Variants in PDE8B observed in about 807,000 individuals in gnomAD.
PDE8B encodes the protein phosphodiesterase 8B.
Under a neutral mutation model 101.3 loss-of-function variants are expected in PDE8B, and 26 were observed. That is an observed-to-expected ratio of 0.26 (90% CI 0.19 to 0.36). PDE8B has a LOEUF of 0.36. PDE8B is among the 10% of genes least tolerant of loss of function. The pLI, the probability that PDE8B is intolerant of heterozygous loss-of-function variation, is 1.00. For missense variants in PDE8B, 810 were observed against 1,163.1 expected (o/e 0.70, Z 4.42); for synonymous variants, 424 against 429.3 (o/e 0.99, Z 0.15).
chr5:77,159,762 T>C, the PDE8B span, among the ~76,000 whole-genome samples: 2 of 152,172 alleles, frequency 1.3e-5, no homozygotes, highest in African/African-American at 4.8e-5. Flanking sequence ...CTGGCTAATG[T>C]GCTGCAGTTG....
chr5:77,184,147 G>T, the PDE8B span, among the ~76,000 whole-genome samples: 1 of 152,042 alleles, frequency 6.6e-6, no homozygotes. Flanking sequence ...TTTAATTATT[G>T]TAGAGACAGA....
intron 20 of PDE8B, among the ~76,000 whole-genome samples, chr5:77,424,899 A>G (rs1036836881): frequency 2.6e-5 from 4 of 151,730 alleles, no homozygotes; most frequent in Non-Finnish European, 4.4e-5. Context: ...TCCTGGCTCA[A>G]TGCAGACTCA....
At chr5:77,292,785 A>G (rs1408618037) in intron 1 of PDE8B, among the ~76,000 whole-genome samples, 1 of 152,092 alleles carries the variant, frequency 6.6e-6, no homozygotes, top group Non-Finnish European at 1.5e-5. Context: ...CTTTACTATC[A>G]TATATTACTA....
intron 1 of PDE8B, among the ~76,000 whole-genome samples, chr5:77,276,642 T>C (rs937904479): frequency 1.3e-5 from 2 of 152,232 alleles, no homozygotes; most frequent in African/African-American, 4.8e-5. Flanking sequence ...TAACTCACAG[T>C]GCTGGACTCA....
At chr5:77,332,146 G>T (rs541798428) in intron 5 of PDE8B, among the ~76,000 whole-genome samples, 1 of 151,978 alleles carries the variant, frequency 6.6e-6, no homozygotes, top group Non-Finnish European at 1.5e-5. Flanking sequence ...GAGAAGAAAG[G>T]GAGGAGGAAA....
chr5:77,309,686 C>A (rs1198041586), intron 1 of PDE8B, among the ~76,000 whole-genome samples: 2 of 151,678 alleles, frequency 1.3e-5, no homozygotes, highest in African/African-American at 4.9e-5. Context: ...GTGGTGTGAT[C>A]TTGGCTCACT....
At chr5:77,321,458 C>T (rs1395535616) in intron 2 of PDE8B, among the ~76,000 whole-genome samples, 1 of 152,090 alleles carries the variant, frequency 6.6e-6, no homozygotes, top group African/African-American at 2.4e-5. Context: ...GCCAATATCT[C>T]TATTCTTAAT....
chr5:77,259,743 GGTGGGGGTATGTTTCCCAC>G (rs1209331245), intron 1 of PDE8B, among the ~76,000 whole-genome samples: 2 of 152,212 alleles, frequency 1.3e-5, no homozygotes, highest in Admixed American at 1.3e-4. Flanking sequence ...AGCTCAGGGT[GGTGGGGGTATGTTTCCCAC>G]ATCCTGGCAA....
intron 10 of PDE8B, among the ~76,000 whole-genome samples, chr5:77,373,457 T>G (rs1328783505): frequency 6.6e-6 from 1 of 152,180 alleles, no homozygotes; most frequent in Non-Finnish European, 1.5e-5. Flanking sequence ...TATCAACATA[T>G]CCCCAAGAGT....
chr5:77,293,202 A>G (rs1767769535), intron 1 of PDE8B, among the ~76,000 whole-genome samples: 1 of 152,188 alleles, frequency 6.6e-6, no homozygotes, highest in African/African-American at 2.4e-5. Flanking sequence ...GGTCAGTTCT[A>G]GATTTTATCT....
At position 77,340,650 on chromosome 5, in the gene PDE8B, G is replaced by C. The variant is rs2359873; in HGVS notation, c.797+3335G>C. 6.7e-3 allele frequency among the ~76,000 whole-genome samples: 927 copies of C among 138,216 alleles called. 27 individuals carry two copies. The highest frequency in any genetic ancestry group is 0.041 in the East Asian group (182 of 4,418). The allele number at this position is 138,216 out of a possible 152,430, so 90.7% of individuals were successfully genotyped here. A position where few individuals can be genotyped will look rare whatever the true frequency, so the allele number is the denominator to read the frequency against. ...GTGTGTGTGTGTGTGTGTTGTTTTA[G>C]TGGAGTCTAGATAGAGCACTTTTGG... On this transcript the variant is annotated intron_variant, in intron 6 of 21. Coordinates refer to ENST00000264917, the MANE Select transcript of PDE8B (RefSeq NM_003719.5).
chr5:77,175,530 A>G, the PDE8B span, among the ~76,000 whole-genome samples: 1 of 152,196 alleles, frequency 6.6e-6, no homozygotes, highest in Admixed American at 6.5e-5. Flanking sequence ...GACTTCCCAA[A>G]CTAAAGTGGA....
chr5:77,409,868 C>G (rs1420057733), intron 14 of PDE8B, among the ~76,000 whole-genome samples: 2 of 152,266 alleles, frequency 1.3e-5, no homozygotes, highest in Non-Finnish European at 2.9e-5. Flanking sequence ...CCTTTCCCCT[C>G]CATTCTCCAC....
chr5:77,250,102 A>C (rs1757773331), intron 1 of PDE8B, among the ~76,000 whole-genome samples: 1 of 152,232 alleles, frequency 6.6e-6, no homozygotes, highest in South Asian at 2.1e-4. Flanking sequence ...TTTCTCATCA[A>C]ACTGGGAGAG....
At chr5:77,147,104 T>TG in the PDE8B span, 2 of 366,602 alleles carry the variant, frequency 5.5e-6, no homozygotes, top group Admixed American at 3.6e-5. Context: ...TTGTCACGGC[T>TG]AAAAAAAGCA....
At chr5:77,163,118 C>A in the PDE8B span, among the ~76,000 whole-genome samples, 1 of 152,166 alleles carries the variant, frequency 6.6e-6, no homozygotes, top group Admixed American at 6.5e-5. Flanking sequence ...GGCATATAAA[C>A]ACCAAAAGAA....
At chr5:77,382,690 T>C (rs980973553) in intron 10 of PDE8B, among the ~76,000 whole-genome samples, 11 of 152,132 alleles carry the variant, frequency 7.2e-5, no homozygotes, top group African/African-American at 2.4e-4. Flanking sequence ...CATGTGGTGT[T>C]TGGTTGTCTG....
the PDE8B span, among the ~76,000 whole-genome samples, chr5:77,156,525 A>G: frequency 1.3e-5 from 2 of 152,320 alleles, no homozygotes; most frequent in African/African-American, 4.8e-5. Context: ...GCTGTCTATT[A>G]CATACTGTGA....
chr5:77,168,190 TC>T, the PDE8B span, among the ~76,000 whole-genome samples: 1 of 152,188 alleles, frequency 6.6e-6, no homozygotes, highest in East Asian at 1.9e-4. Flanking sequence ...CCTGCCCCTC[TC>T]CCCTTGAATT....
Sources: allele counts gnomAD v4.1 joint callset (sites outside exome capture counted in the v4.1 genomes callset), GRCh38; gene constraint gnomAD v4.1.1; transcripts MANE v1.5; gene names NCBI Gene and HGNC (gene_info 2026-07-23, HGNC 2026-07-21).